Variants in CDK14 observed in about 807,000 individuals in gnomAD.
CDK14 encodes the protein cyclin dependent kinase 14.
Under a neutral mutation model 60.7 loss-of-function variants are expected in CDK14, and 34 were observed. That is an observed-to-expected ratio of 0.56 (90% CI 0.43 to 0.75). The LOEUF is 0.75. Ranked by LOEUF, CDK14 falls within the 30% of genes least tolerant of loss-of-function variation. The pLI, the probability that CDK14 is intolerant of heterozygous loss-of-function variation, is 0.00. For missense variants in CDK14, 482 were observed against 564.1 expected (o/e 0.85, Z 1.47); for synonymous variants, 197 against 203.7 (o/e 0.97, Z 0.28).
At chr7:90,732,667 C>G (rs776454728) in intron 3 of CDK14, among the ~76,000 whole-genome samples, 16 of 152,140 alleles carry the variant, frequency 1.1e-4, no homozygotes, top group African/African-American at 4.8e-5. Flanking sequence ...GTTTGTATTT[C>G]TGTGGGATTG....
At chr7:90,890,975 G>A (rs1006009250) in intron 6 of CDK14, among the ~76,000 whole-genome samples, 4 of 152,134 alleles carry the variant, frequency 2.6e-5, no homozygotes, top group Admixed American at 2.6e-4. Context: ...TGTGGTGTGT[G>A]CACTGTGTCT....
chr7:90,762,478 A>C (rs1449743819), intron 4 of CDK14, among the ~76,000 whole-genome samples: 1 of 152,182 alleles, frequency 6.6e-6, no homozygotes, highest in South Asian at 2.1e-4. Context: ...CAATGAACAG[A>C]TAAGTTACAA....
chr7:90,933,635 C>T (rs919619139), intron 8 of CDK14, among the ~76,000 whole-genome samples: 2 of 152,170 alleles, frequency 1.3e-5, no homozygotes, highest in African/African-American at 2.4e-5. Flanking sequence ...AAGGACACTG[C>T]ACTTTTTGCT....
At chr7:90,728,784 G>C (rs1343561383) in intron 3 of CDK14, among the ~76,000 whole-genome samples, 1 of 152,050 alleles carries the variant, frequency 6.6e-6, no homozygotes, top group African/African-American at 2.4e-5. Flanking sequence ...AAGTTGATTG[G>C]AAGCTCTGTG....
At chr7:91,086,951 T>C (rs1798659951) in intron 12 of CDK14, among the ~76,000 whole-genome samples, 2 of 152,212 alleles carry the variant, frequency 1.3e-5, no homozygotes, top group South Asian at 2.1e-4. Flanking sequence ...TGTTTTGTTT[T>C]TTTGCAGCTT....
chr7:91,203,067 G>A (rs778708036), intron 14 of CDK14, among the ~76,000 whole-genome samples: 1 of 152,088 alleles, frequency 6.6e-6, no homozygotes, highest in African/African-American at 2.4e-5. Flanking sequence ...TTATTGTTAC[G>A]TGAAATTAGA....
intron 11 of CDK14, among the ~76,000 whole-genome samples, chr7:91,064,140 G>A (rs1285864333): frequency 6.6e-6 from 1 of 152,208 alleles, no homozygotes; most frequent in African/African-American, 2.4e-5. Flanking sequence ...GCACTCTGAC[G>A]CAGGTGGAAA....
rs537384902 is a variant in CDK14 at position 90,927,229 on chromosome 7, A to C, written c.826+9505A>C. 1.2e-4 allele frequency among the ~76,000 whole-genome samples: 19 copies of C among 152,238 alleles called. No homozygotes were observed. The South Asian group carries it at 3.7e-3, about 30-fold the overall frequency. ...GTGGAGTTGCAGATTACAACCCTGT[A>C]ATCATGCCTTGGTTCTTCTGGCAAC... On this transcript the variant is annotated intron_variant, in intron 8 of 14. Transcript: ENST00000380050.
At chr7:91,059,999 G>A (rs1056362318) in intron 11 of CDK14, among the ~76,000 whole-genome samples, 110 of 152,076 alleles carry the variant, frequency 7.2e-4, no homozygotes, top group African/African-American at 2.6e-3. Flanking sequence ...AATGTTGAAA[G>A]TCGGGTGCTA....
intron 2 of CDK14, among the ~76,000 whole-genome samples, chr7:90,646,864 G>A (rs1800479911): frequency 6.6e-6 from 1 of 152,106 alleles, no homozygotes; most frequent in Non-Finnish European, 1.5e-5. Context: ...TGAATGGATA[G>A]TTTTGTTAAC....
chr7:90,789,671 C>T (rs1805744594), intron 4 of CDK14, among the ~76,000 whole-genome samples: 1 of 152,130 alleles, frequency 6.6e-6, no homozygotes, highest in Non-Finnish European at 1.5e-5. Context: ...TAGACTTACA[C>T]ATCCTCAGAC....
chr7:91,088,952 TGA>T (rs1001680436), intron 12 of CDK14, among the ~76,000 whole-genome samples: 2 of 152,150 alleles, frequency 1.3e-5, no homozygotes, highest in African/African-American at 4.8e-5. Context: ...TGTGTGTGTG[TGA>T]GTGTGTGTTT....
chr7:90,843,889 A>G (rs1790379122), intron 5 of CDK14, among the ~76,000 whole-genome samples: 1 of 152,090 alleles, frequency 6.6e-6, no homozygotes, highest in Non-Finnish European at 1.5e-5. Flanking sequence ...ATGTAATGTA[A>G]TTTTTACTGA....
At chr7:90,632,735 T>G (rs936017295) in intron 2 of CDK14, among the ~76,000 whole-genome samples, 1 of 152,222 alleles carries the variant, frequency 6.6e-6, no homozygotes, top group Non-Finnish European at 1.5e-5. Context: ...TTTTATACTT[T>G]TTATTTTCTT....
At chr7:91,029,396 G>T (rs1369415148) in intron 10 of CDK14, among the ~76,000 whole-genome samples, 2 of 151,898 alleles carry the variant, frequency 1.3e-5, no homozygotes, top group African/African-American at 2.4e-5. Context: ...TGACTCTATG[G>T]ATTGCTTTGG....
chr7:90,879,051 C>T (rs1236846074), intron 6 of CDK14, among the ~76,000 whole-genome samples: 1 of 152,148 alleles, frequency 6.6e-6, no homozygotes, highest in Non-Finnish European at 1.5e-5. Context: ...TTAGGCATGG[C>T]CAGGTGACTT....
intron 7 of CDK14, among the ~76,000 whole-genome samples, chr7:90,903,382 A>G (rs1792582589): frequency 2.0e-5 from 3 of 152,218 alleles, no homozygotes; most frequent in Admixed American, 2.0e-4. Context: ...TTATTCAGCC[A>G]TAAAAATGAA....
intron 2 of CDK14, among the ~76,000 whole-genome samples, chr7:90,648,885 C>T (rs1185526915): frequency 6.6e-6 from 1 of 152,168 alleles, no homozygotes; most frequent in African/African-American, 2.4e-5. Context: ...TTCAGAAAAG[C>T]TTCATAGCAT....
intron 2 of CDK14, among the ~76,000 whole-genome samples, chr7:90,665,754 A>G (rs1800965146): frequency 6.6e-6 from 1 of 152,220 alleles, no homozygotes; most frequent in African/African-American, 2.4e-5. Flanking sequence ...TGCAGCCCCT[A>G]ATAGCAATAG....
Sources: gnomAD v4.1 joint callset for allele counts (sites outside exome capture counted in the v4.1 genomes callset) on GRCh38, gnomAD v4.1.1 for gene constraint, MANE v1.5 for transcripts, NCBI Gene and HGNC (gene_info 2026-07-23, HGNC 2026-07-21) for gene names.